Variants in MME observed in about 807,000 individuals in gnomAD.
MME encodes neprilysin.
Under a neutral mutation model 113.2 loss-of-function variants are expected in MME, and 98 were observed. The ratio of observed to expected loss-of-function variants is 0.87; its 90% CI spans 0.74 to 1.02. MME has a LOEUF of 1.02. Ranked by LOEUF, MME falls within the 50% of genes least tolerant of loss-of-function variation. The probability of loss-of-function intolerance (pLI) is 0.00; values close to 1 mark genes in which losing one functional copy is unlikely to be tolerated. For missense variants in MME, 836 were observed against 896.0 expected (o/e 0.93, Z 0.86); for synonymous variants, 292 against 300.6 (o/e 0.97, Z 0.30).
At chr3:155,050,964 A>G (rs942192225) in intron 1 of MME, among the ~76,000 whole-genome samples, 2 of 152,212 alleles carry the variant, frequency 1.3e-5, no homozygotes, top group Non-Finnish European at 2.9e-5. Flanking sequence ...GGCAGAAAGC[A>G]AAACACATAA....
At chr3:155,176,035 G>A (rs1712487451) in intron 22 of MME, among the ~76,000 whole-genome samples, 1 of 152,072 alleles carries the variant, frequency 6.6e-6, no homozygotes, top group South Asian at 2.1e-4. Flanking sequence ...ATATGACTTT[G>A]CTTTGAAAGA....
At chr3:155,106,903 A>G (rs2108230061) in intron 3 of MME, among the ~76,000 whole-genome samples, 1 of 152,324 alleles carries the variant, frequency 6.6e-6, no homozygotes, top group Non-Finnish European at 1.5e-5. Context: ...ACAATTCTAG[A>G]ACAGTTATAA....
intron 8 of MME, among the ~76,000 whole-genome samples, chr3:155,124,674 TGCC>T (rs1444804578): frequency 3.6e-4 from 55 of 151,666 alleles, no homozygotes; most frequent in Non-Finnish European, 5.9e-4. Flanking sequence ...TGGAATACCC[TGCC>T]GTGTGAGGTG....
chr3:155,090,906 C>T (rs1716234757), intron 3 of MME, among the ~76,000 whole-genome samples: 1 of 152,174 alleles, frequency 6.6e-6, no homozygotes, highest in African/African-American at 2.4e-5. Flanking sequence ...AACAGCTAGC[C>T]TTCTCCTGGC....
chr3:155,105,582 A>C (rs1717617570), intron 3 of MME, among the ~76,000 whole-genome samples: 1 of 152,208 alleles, frequency 6.6e-6, no homozygotes, highest in Non-Finnish European at 1.5e-5. Flanking sequence ...ATTAGAACCC[A>C]AGGCAGTTTC....
intron 15 of MME, 37 bp from the exon 16 acceptor site, chr3:155,148,513 T>A: frequency 7.1e-7 from 1 of 1,404,714 alleles, no homozygotes; most frequent in Non-Finnish European, 1.0e-6. Context: ...AAGATACCGG[T>A]TTTAATATTT....
chr3:155,115,858 A>C lies in MME; in HGVS notation c.359-621A>C, dbSNP rs374106258. On this transcript the variant is annotated intron_variant, in intron 4 of 22. Coordinates refer to ENST00000360490, the MANE Select transcript of MME (RefSeq NM_007289.4). ...AGATGTTACTAAGATTTGCCTTCCC[A>C]GCACAGGTATATTCTAACCTGGCTA... 5.3e-5 allele frequency among the ~76,000 whole-genome samples: 8 copies of C among 152,356 alleles called. No individual in the cohort carries two copies. The East Asian group carries it at 9.7e-4, about 18-fold the overall frequency.
chr3:155,096,517 A>C (rs530846397), intron 3 of MME, among the ~76,000 whole-genome samples: 1 of 152,318 alleles, frequency 6.6e-6, no homozygotes, highest in East Asian at 1.9e-4. Flanking sequence ...AAGTGAATGC[A>C]CTTCCTTCTA....
At chr3:155,132,345 C>T (rs1720208652) in intron 8 of MME, among the ~76,000 whole-genome samples, 1 of 152,152 alleles carries the variant, frequency 6.6e-6, no homozygotes, top group South Asian at 2.1e-4. Context: ...ATATCATTAC[C>T]TGATTCTGCA....
intron 1 of MME, among the ~76,000 whole-genome samples, chr3:155,032,728 C>T (rs770368529): frequency 1.3e-5 from 2 of 152,000 alleles, no homozygotes; most frequent in African/African-American, 4.8e-5. Context: ...AAAATGTCAA[C>T]CTAAAATAAT....
intron 8 of MME, among the ~76,000 whole-genome samples, chr3:155,128,209 T>A (rs534429604): frequency 1.1e-4 from 16 of 152,320 alleles, no homozygotes; most frequent in African/African-American, 3.6e-4. Context: ...TCCCTTTTTT[T>A]AAATCCATTC....
intron 1 of MME, among the ~76,000 whole-genome samples, chr3:155,053,024 T>C (rs555800458): frequency 6.6e-6 from 1 of 152,314 alleles, no homozygotes; most frequent in Middle Eastern, 3.4e-3. Flanking sequence ...TTTACTCCAG[T>C]TCCCAACAAG....
intron 17 of MME, among the ~76,000 whole-genome samples, chr3:155,165,981 G>A (rs1355980673): frequency 6.6e-6 from 1 of 152,176 alleles, no homozygotes; most frequent in Non-Finnish European, 1.5e-5. Flanking sequence ...GCAAGTTAAT[G>A]CAGATGTCAG....
intron 1 of MME, among the ~76,000 whole-genome samples, chr3:155,025,220 G>C (rs1712741463): frequency 1.3e-5 from 2 of 152,126 alleles, no homozygotes; most frequent in Non-Finnish European, 2.9e-5. Context: ...CTGCCAATGG[G>C]GAGGACACAT....
intron 8 of MME, among the ~76,000 whole-genome samples, chr3:155,127,597 G>C (rs1262057215): frequency 2.0e-5 from 3 of 152,224 alleles, no homozygotes. Context: ...TCATTTAAAA[G>C]ATGAGGAGTA....
Position 155,042,916 on chromosome 3 carries a change from A to ATATATATATATATATACG in MME, c.-11+18608_-11+18609insCGTATATATATATATATA, listed in dbSNP as rs1713390650. ...TAGTAGGTTTTATATATATATATATATATATATATATATATATATATATGT... is the reference window on the plus strand; with the variant it reads ...TAGTAGGTTTTATATATATATATATATATATATATATATATACGTATATATATATATATATATATATGT... On this transcript the variant is annotated intron_variant, in intron 1 of 22. Transcript: ENST00000492661. 8.5e-5 allele frequency among the ~76,000 whole-genome samples: 4 copies of ATATATATATATATATACG among 47,038 alleles called. 1 individual carries two copies. The East Asian group carries it at 2.2e-3, about 26-fold the overall frequency. The allele number at this position is 47,038 out of a possible 152,430, so 30.9% of individuals were successfully genotyped here. A position where few individuals can be genotyped will look rare whatever the true frequency, so the allele number is the denominator to read the frequency against.
Position 155,115,100 on chromosome 3 carries a change from C to G in MME, c.303C>G (p.Ser101Arg), listed in dbSNP as rs1203681204. 1 of 1,614,100 alleles carries G rather than the reference C, an allele frequency of 6.2e-7. No homozygotes were observed. Among genetic ancestry groups the G allele is most frequent in the Non-Finnish European group, 8.5e-7 (1 of 1,180,022 alleles). The change falls in exon 4 of 23, where the codon AGC becomes AGG. Residue 101 changes from serine (S) to arginine (R), a missense_variant. Physicochemically the swap from Ser to Arg is moderately radical, Grantham distance 110. Transcript: ENST00000360490. ...AACGTAATGTCATTCCCGAGACCAG[C>G]TCCCGTTACGGCAACTTTGACATTT... Reference protein sequence around the residue: ...WLKRNVIPETSSRYGNFDILR... With the variant: ...WLKRNVIPETRSRYGNFDILR...
intron 22 of MME, among the ~76,000 whole-genome samples, chr3:155,176,958 G>A (rs78071535): frequency 2.2e-3 from 342 of 152,284 alleles, no homozygotes; most frequent in Non-Finnish European, 4.3e-3. Flanking sequence ...ATGGAAAGAG[G>A]ATGGGCAGAA....
intron 16 of MME, 65 bp from the exon 17 acceptor site, chr3:155,160,325 T>C (rs1722622968): frequency 9.5e-7 from 1 of 1,052,014 alleles, no homozygotes; most frequent in East Asian, 2.4e-5. Flanking sequence ...AATGCTTTAA[T>C]TGTGTGAGTG....
Sources: allele counts gnomAD v4.1 joint callset (sites outside exome capture counted in the v4.1 genomes callset), GRCh38; gene constraint gnomAD v4.1.1; transcripts MANE v1.5; gene names NCBI Gene and HGNC (gene_info 2026-07-23, HGNC 2026-07-21).